Variants in TFAP2D observed in about 807,000 individuals in gnomAD.
TFAP2D encodes the protein transcription factor AP-2-delta.
A neutral mutation model predicts 43.6 loss-of-function variants in TFAP2D; 9 were observed. The ratio of observed to expected loss-of-function variants is 0.21; its 90% confidence interval spans 0.12 to 0.36. TFAP2D has a LOEUF of 0.36. Among genes scored for constraint, TFAP2D ranks in the 10% least tolerant of loss-of-function variants. The pLI, the probability that TFAP2D is intolerant of heterozygous loss-of-function variation, is 1.00. For missense variants in TFAP2D, 513 were observed against 561.4 expected (o/e 0.91, Z 0.87); for synonymous variants, 256 against 224.9 (o/e 1.14, Z -1.24).
chr6:50,766,969 G>C (rs370623644), intron 7 of TFAP2D, among the ~76,000 whole-genome samples: 2 of 151,870 alleles, frequency 1.3e-5, no homozygotes, highest in East Asian at 3.9e-4. Context: ...TGCCCGGCCT[G>C]CTTTCTTAAT....
At chr6:50,717,377 C>A (rs1768644376) in intron 2 of TFAP2D, among the ~76,000 whole-genome samples, 1 of 152,170 alleles carries the variant, frequency 6.6e-6, no homozygotes, top group South Asian at 2.1e-4. Flanking sequence ...AGTGAAGAAA[C>A]CAAGATTCGT....
intron 5 of TFAP2D, among the ~76,000 whole-genome samples, chr6:50,743,638 G>T (rs1427335148): frequency 6.6e-6 from 1 of 152,020 alleles, no homozygotes; most frequent in Non-Finnish European, 1.5e-5. Flanking sequence ...TCCCGCTTCT[G>T]CCTCCCAAAG....
intron 5 of TFAP2D, among the ~76,000 whole-genome samples, chr6:50,736,654 G>A (rs1768967269): frequency 6.6e-6 from 1 of 152,058 alleles, no homozygotes; most frequent in Admixed American, 6.6e-5. Flanking sequence ...TTTCTGTGTG[G>A]TGGGGATGGT....
chr6:50,721,450 TC>T (rs1216532331), intron 3 of TFAP2D, among the ~76,000 whole-genome samples: 5 of 152,182 alleles, frequency 3.3e-5, no homozygotes, highest in African/African-American at 1.2e-4. Context: ...AATGTTCATG[TC>T]AATTTACAAG....
At chr6:50,714,347 T>C (rs1768578531) in intron 1 of TFAP2D, among the ~76,000 whole-genome samples, 1 of 151,856 alleles carries the variant, frequency 6.6e-6, no homozygotes, top group South Asian at 2.1e-4. Context: ...CGGGAAAACA[T>C]AATCTTAATA....
At chr6:50,770,145 G>T (rs771900399) in intron 7 of TFAP2D, among the ~76,000 whole-genome samples, 9 of 152,102 alleles carry the variant, frequency 5.9e-5, no homozygotes, top group Non-Finnish European at 1.3e-4. Context: ...CTTTTTGTGG[G>T]TATCACCATG....
chr6:50,751,421 A>G, intron 7 of TFAP2D, 97 bp downstream of exon 7: 1 of 815,328 alleles, frequency 1.2e-6, no homozygotes, highest in Non-Finnish European at 2.1e-6. Context: ...ATATGTTTAT[A>G]TGGTGACTGT....
chr6:50,727,327 C>T (rs531513201), intron 3 of TFAP2D, among the ~76,000 whole-genome samples: 1 of 152,256 alleles, frequency 6.6e-6, no homozygotes, highest in Admixed American at 6.5e-5. Context: ...GATCCCTTTG[C>T]CTTTTTAAAT....
chr6:50,759,951 T>C (rs750969246), intron 7 of TFAP2D, among the ~76,000 whole-genome samples: 5 of 151,990 alleles, frequency 3.3e-5, no homozygotes, highest in Admixed American at 6.6e-5. Flanking sequence ...CTTCCCCAAA[T>C]TGAGTTTCAT....
intron 7 of TFAP2D, among the ~76,000 whole-genome samples, chr6:50,767,898 T>C (rs1769466463): frequency 1.3e-5 from 2 of 152,224 alleles, no homozygotes; most frequent in African/African-American, 2.4e-5. Flanking sequence ...AAATGTAGCA[T>C]AGACATGACT....
intron 7 of TFAP2D, among the ~76,000 whole-genome samples, chr6:50,771,767 A>G (rs1769532289): frequency 6.6e-6 from 1 of 152,170 alleles, no homozygotes; most frequent in Admixed American, 6.6e-5. Context: ...GATGTGGAGA[A>G]ATAGGAATAT....
chr6:50,722,216 C>G (rs1441801542), intron 3 of TFAP2D, among the ~76,000 whole-genome samples: 1 of 152,210 alleles, frequency 6.6e-6, no homozygotes, highest in Non-Finnish European at 1.5e-5. Context: ...TAATGGTGTA[C>G]GCGATTTTGC....
At chr6:50,765,362 T>A (rs1471612622) in intron 7 of TFAP2D, among the ~76,000 whole-genome samples, 1 of 152,218 alleles carries the variant, frequency 6.6e-6, no homozygotes, top group Non-Finnish European at 1.5e-5. Flanking sequence ...CTGGTTTCAT[T>A]TCCTTTAGAT....
At chr6:50,756,431 A>G (rs1769266543) in intron 7 of TFAP2D, among the ~76,000 whole-genome samples, 1 of 152,050 alleles carries the variant, frequency 6.6e-6, no homozygotes, top group South Asian at 2.1e-4. Context: ...CCTCCTTCCT[A>G]ATGCAGACCA....
chr6:50,735,011 A>G (rs1231567650), intron 5 of TFAP2D, among the ~76,000 whole-genome samples: 4 of 152,152 alleles, frequency 2.6e-5, no homozygotes, highest in Admixed American at 6.6e-5. Context: ...AAGGGAAGAC[A>G]CATAACTTGT....
intron 5 of TFAP2D, among the ~76,000 whole-genome samples, chr6:50,737,127 C>T (rs182808190): frequency 2.8e-4 from 42 of 152,096 alleles, no homozygotes; most frequent in African/African-American, 9.9e-4. Flanking sequence ...ACCACAGACA[C>T]ATGCCACCAT....
At chr6:50,723,282 C>G (rs1399442764) in intron 3 of TFAP2D, among the ~76,000 whole-genome samples, 5 of 152,244 alleles carry the variant, frequency 3.3e-5, no homozygotes, top group Non-Finnish European at 5.9e-5. Context: ...TTTAGCCGGC[C>G]TCAAGGCCGG....
At chr6:50,721,453 ATTT>A (rs2114031532) in intron 3 of TFAP2D, among the ~76,000 whole-genome samples, 1 of 152,246 alleles carries the variant, frequency 6.6e-6, no homozygotes, top group Admixed American at 6.5e-5. Context: ...GTTCATGTCA[ATTT>A]ACAAGTGGAT....
chr6:50,732,673 G>T (rs1168995506), intron 5 of TFAP2D, among the ~76,000 whole-genome samples: 3 of 151,938 alleles, frequency 2.0e-5, no homozygotes, highest in African/African-American at 7.2e-5. Context: ...ACCCTGGAAG[G>T]CTTTCCACAC....
Sources: allele counts gnomAD v4.1 joint callset (sites outside exome capture counted in the v4.1 genomes callset), GRCh38; gene constraint gnomAD v4.1.1; transcripts MANE v1.5; gene names NCBI Gene and HGNC (gene_info 2026-07-23, HGNC 2026-07-21).